The following CENPP variants were observed in gnomAD, a reference collection of about 807,000 sequenced individuals.
CENPP encodes centromere protein P.
CENPP carries 24 observed loss-of-function variants against 35.6 expected under a neutral mutation model. That is an observed-to-expected ratio of 0.67 (90% CI 0.49 to 0.95). CENPP has a LOEUF of 0.95. CENPP is among the 40% of genes least tolerant of loss of function. The pLI, the probability that CENPP is intolerant of heterozygous loss-of-function variation, is 0.00. For synonymous variants in CENPP, 120 were observed against 125.5 expected (o/e 0.96, Z 0.29); for missense variants, 332 against 345.3 (o/e 0.96, Z 0.31).
intron 5 of CENPP, among the ~76,000 whole-genome samples, chr9:92,560,136 C>T (rs1849815965): frequency 6.6e-6 from 1 of 152,122 alleles, no homozygotes; most frequent in Middle Eastern, 3.4e-3. Context: ...ACAGCCAGAC[C>T]CTGTCTCTAA....
At chr9:92,590,477 G>A (rs1245298230) in intron 5 of CENPP, among the ~76,000 whole-genome samples, 2 of 152,156 alleles carry the variant, frequency 1.3e-5, no homozygotes, top group African/African-American at 4.8e-5. Context: ...TCTGTCCTTT[G>A]GCTATTTTGT....
chr9:92,505,713 A>G (rs201898816), intron 5 of CENPP: 68 of 1,525,872 alleles, frequency 4.5e-5, no homozygotes, highest in Middle Eastern at 3.5e-4. Flanking sequence ...AAAGTATTAG[A>G]ATATTAGGAT....
At chr9:92,545,634 A>C (rs188760277) in intron 5 of CENPP, among the ~76,000 whole-genome samples, 1,730 of 152,276 alleles carry the variant, frequency 0.011, 26 homozygotes, top group African/African-American at 0.038. Flanking sequence ...GAGTGCGGGC[A>C]CAGGGCGCGG....
intron 2 of CENPP, among the ~76,000 whole-genome samples, chr9:92,332,715 G>A (rs934167174): frequency 7.9e-5 from 12 of 152,136 alleles, no homozygotes; most frequent in Non-Finnish European, 1.5e-4. Context: ...AGCTGAGCCA[G>A]GAGAATCATT....
At chr9:92,583,078 G>A (rs1224016680) in intron 5 of CENPP, among the ~76,000 whole-genome samples, 1 of 152,154 alleles carries the variant, frequency 6.6e-6, no homozygotes, top group Non-Finnish European at 1.5e-5. Context: ...TTCCCAGACT[G>A]GTGGTCGGAT....
intron 5 of CENPP, among the ~76,000 whole-genome samples, chr9:92,578,968 G>A (rs867236003): frequency 1.3e-5 from 2 of 152,194 alleles, no homozygotes; most frequent in Admixed American, 1.3e-4. Context: ...ATCTTGAATT[G>A]ATTTTTGTAT....
intron 5 of CENPP, chr9:92,514,863 ATCC>A (rs752071573): frequency 2.0e-5 from 32 of 1,607,368 alleles, no homozygotes; most frequent in Non-Finnish European, 2.3e-5. Flanking sequence ...CCTCCTCCTC[ATCC>A]TCCTCCTCCT....
chr9:92,334,869 C>T lies in CENPP; in HGVS notation c.289+2518C>T, dbSNP rs1840873410. ...CGCTTCAGCCTTGGTGACAGTGAGA[C>T]CCTGTCTCAAAAAAAACCAAAAAAA... On this transcript the variant is annotated intron_variant, in intron 2 of 7. Transcript: ENST00000375587. Among the ~76,000 whole-genome samples the T allele has an allele frequency of 4.7e-5, 7 of 150,348 alleles. No homozygotes were observed. The South Asian group carries it at 1.5e-3, about 32-fold the overall frequency.
At chr9:92,367,180 T>G (rs1298295849) in intron 4 of CENPP, among the ~76,000 whole-genome samples, 3 of 152,154 alleles carry the variant, frequency 2.0e-5, no homozygotes, top group Non-Finnish European at 4.4e-5. Context: ...ATTCATTTAT[T>G]TTTTGAGACA....
intron 5 of CENPP, among the ~76,000 whole-genome samples, chr9:92,425,346 G>A (rs997736936): frequency 6.6e-6 from 1 of 152,108 alleles, no homozygotes; most frequent in South Asian, 2.1e-4. Flanking sequence ...TGAATAAAAT[G>A]GGATGAAAAG....
chr9:92,606,671 C>A (rs147795430), intron 5 of CENPP, among the ~76,000 whole-genome samples: 2,037 of 152,290 alleles, frequency 0.013, 18 homozygotes, highest in Non-Finnish European at 0.019. Flanking sequence ...TTTGGGAGGC[C>A]AAGGCGGGCA....
intron 5 of CENPP, among the ~76,000 whole-genome samples, chr9:92,498,617 A>G (rs897953563): frequency 6.6e-6 from 1 of 152,128 alleles, no homozygotes; most frequent in Non-Finnish European, 1.5e-5. Flanking sequence ...ACTAAATAAC[A>G]TGTCTGAATA....
At chr9:92,491,111 T>C (rs1298669614) in intron 5 of CENPP, among the ~76,000 whole-genome samples, 1 of 152,148 alleles carries the variant, frequency 6.6e-6, no homozygotes, top group African/African-American at 2.4e-5. Flanking sequence ...TTACAGTCTT[T>C]TTGGAGAAAC....
intron 5 of CENPP, among the ~76,000 whole-genome samples, chr9:92,556,021 G>C (rs181993312): frequency 1.4e-4 from 22 of 152,028 alleles, no homozygotes; most frequent in African/African-American, 5.3e-4. Context: ...TGATGTGGGC[G>C]TTTAGGGCTA....
intron 4 of CENPP, among the ~76,000 whole-genome samples, chr9:92,370,089 A>G (rs1316656579): frequency 2.6e-5 from 4 of 152,106 alleles, no homozygotes; most frequent in Non-Finnish European, 4.4e-5. Context: ...TTTTTTCCCT[A>G]TATCTTGTAG....
intron 4 of CENPP, among the ~76,000 whole-genome samples, chr9:92,374,950 A>G (rs528362834): frequency 6.6e-6 from 1 of 152,248 alleles, no homozygotes; most frequent in Non-Finnish European, 1.5e-5. Context: ...TGTGAGAGAG[A>G]GTTTTGCTGG....
intron 5 of CENPP, among the ~76,000 whole-genome samples, chr9:92,494,962 T>C (rs1422394996): frequency 6.6e-6 from 1 of 152,170 alleles, no homozygotes; most frequent in Non-Finnish European, 1.5e-5. Context: ...CTCATGAAAC[T>C]GAAAGTCACC....
At chr9:92,608,067 T>TA (rs1221069984) in intron 5 of CENPP, among the ~76,000 whole-genome samples, 2 of 152,202 alleles carry the variant, frequency 1.3e-5, no homozygotes, top group Non-Finnish European at 2.9e-5. Flanking sequence ...GCCAACCAGT[T>TA]AGTGTGCTCA....
intron 5 of CENPP, among the ~76,000 whole-genome samples, chr9:92,545,592 C>T (rs1355911711): frequency 5.3e-5 from 8 of 152,234 alleles, no homozygotes; most frequent in Admixed American, 2.6e-4. Context: ...TGCTCCACCG[C>T]GTCCAGTCCC....
Sources: gnomAD v4.1 joint callset for allele counts (sites outside exome capture counted in the v4.1 genomes callset) on GRCh38, gnomAD v4.1.1 for gene constraint, MANE v1.5 for transcripts, NCBI Gene and HGNC (gene_info 2026-07-23, HGNC 2026-07-21) for gene names.